Variants in MAF observed in about 807,000 individuals in gnomAD.
MAF encodes transcription factor Maf.
A neutral mutation model predicts 22.0 loss-of-function variants in MAF; 10 were observed. The ratio of observed to expected loss-of-function variants is 0.45; its 90% CI spans 0.28 to 0.77. The LOEUF is 0.77. MAF is among the 30% of genes least tolerant of loss of function. The pLI, the probability that MAF is intolerant of heterozygous loss-of-function variation, is 0.12. For missense variants in MAF, 544 were observed against 548.4 expected (o/e 0.99, Z 0.08); for synonymous variants, 337 against 255.8 (o/e 1.32, Z -3.03).
At chr16:79,390,006 A>G in the MAF span, among the ~76,000 whole-genome samples, 1 of 146,598 alleles carries the variant, frequency 6.8e-6, no homozygotes. Context: ...AAAAAAAATT[A>G]AAATAAAAAA....
the MAF span, among the ~76,000 whole-genome samples, chr16:79,323,145 T>C: frequency 1.2e-4 from 4 of 32,020 alleles, no homozygotes; most frequent in Admixed American, 1.6e-3. Flanking sequence ...CGAGACTCCA[T>C]CTAAAAAAAA....
At chr16:79,392,980 C>T in the MAF span, among the ~76,000 whole-genome samples, 181 of 152,296 alleles carry the variant, frequency 1.2e-3, no homozygotes, top group Middle Eastern at 6.8e-3. Context: ...CTCCTGCCGC[C>T]CTCTCTTAAA....
downstream of MAF, among the ~76,000 whole-genome samples, chr16:79,593,197 G>A (rs1477895790): frequency 1.3e-5 from 2 of 152,206 alleles, no homozygotes; most frequent in South Asian, 2.1e-4. Flanking sequence ...GTAAAGCCAA[G>A]AGTATGTGAA....
At chr16:79,338,270 G>T in the MAF span, among the ~76,000 whole-genome samples, 1 of 152,192 alleles carries the variant, frequency 6.6e-6, no homozygotes, top group African/African-American at 2.4e-5. Context: ...CTGAGTGAAG[G>T]TCAGGGAGGC....
chr16:79,499,589 T>C, the MAF span, among the ~76,000 whole-genome samples: 2 of 152,148 alleles, frequency 1.3e-5, no homozygotes, highest in Admixed American at 6.5e-5. Context: ...ATGGGGTTAG[T>C]GCCTTTATAA....
At chr16:79,244,730 A>G in the MAF span, among the ~76,000 whole-genome samples, 1 of 152,072 alleles carries the variant, frequency 6.6e-6, no homozygotes, top group African/African-American at 2.4e-5. Flanking sequence ...TAAATTTCAT[A>G]TGGAACCAAA....
At chr16:79,551,024 G>A in the MAF span, among the ~76,000 whole-genome samples, 74 of 152,284 alleles carry the variant, frequency 4.9e-4, 1 homozygote, top group East Asian at 3.1e-3. Flanking sequence ...ATGGGGAGCA[G>A]CAAACACCTA....
chr16:79,372,725 A>G, the MAF span, among the ~76,000 whole-genome samples: 1 of 152,198 alleles, frequency 6.6e-6, no homozygotes, highest in African/African-American at 2.4e-5. Context: ...CACTCTCTCC[A>G]GCAGGTTCTG....
At chr16:79,446,808 C>T in the MAF span, among the ~76,000 whole-genome samples, 20 of 151,748 alleles carry the variant, frequency 1.3e-4, no homozygotes, top group African/African-American at 3.6e-4. Context: ...ACACAGGTTG[C>T]GAGTCAGGAG....
At chr16:79,435,215 T>C in the MAF span, among the ~76,000 whole-genome samples, 1 of 151,568 alleles carries the variant, frequency 6.6e-6, no homozygotes, top group African/African-American at 2.4e-5. Flanking sequence ...CACATATATG[T>C]ACACACACAT....
the MAF span, among the ~76,000 whole-genome samples, chr16:79,403,733 C>T: frequency 6.6e-6 from 1 of 152,150 alleles, no homozygotes; most frequent in Non-Finnish European, 1.5e-5. Flanking sequence ...GGGATAGCAA[C>T]CTAACATAGG....
the MAF span, among the ~76,000 whole-genome samples, chr16:79,451,542 G>A: frequency 1.3e-3 from 193 of 152,318 alleles, 7 homozygotes; most frequent in South Asian, 0.039. Flanking sequence ...TGCGGTTCAA[G>A]CTACAATCCT....
the MAF span, among the ~76,000 whole-genome samples, chr16:79,217,826 G>C: frequency 6.6e-6 from 1 of 151,902 alleles, no homozygotes; most frequent in Non-Finnish European, 1.5e-5. Context: ...GTGGCTTGTG[G>C]TTTTGCTTTT....
chr16:79,332,013 C>G, the MAF span, among the ~76,000 whole-genome samples: 1 of 152,188 alleles, frequency 6.6e-6, no homozygotes, highest in Non-Finnish European at 1.5e-5. Context: ...CATTACCTGA[C>G]TTTAGAACAT....
chr16:79,500,289 T>C, the MAF span, among the ~76,000 whole-genome samples: 1 of 152,166 alleles, frequency 6.6e-6, no homozygotes, highest in Admixed American at 6.5e-5. Flanking sequence ...TGAACAATAA[T>C]CCCATCTGCC....
At chr16:79,338,517 C>A in the MAF span, among the ~76,000 whole-genome samples, 1 of 152,034 alleles carries the variant, frequency 6.6e-6, no homozygotes, top group Non-Finnish European at 1.5e-5. Flanking sequence ...TTAAAGATAT[C>A]CAATGAGAAC....
chr16:79,390,140 TG>T, the MAF span, among the ~76,000 whole-genome samples: 1 of 151,946 alleles, frequency 6.6e-6, no homozygotes, highest in East Asian at 1.9e-4. Flanking sequence ...TTCCCAAGTC[TG>T]GGGGTAACAT....
chr16:79,335,378 A>C, the MAF span, among the ~76,000 whole-genome samples: 1 of 152,154 alleles, frequency 6.6e-6, no homozygotes, highest in Non-Finnish European at 1.5e-5. Context: ...AGAGCTTGTT[A>C]AACTGGCTTC....
chr16:79,310,297 A>G, the MAF span, among the ~76,000 whole-genome samples: 1 of 152,148 alleles, frequency 6.6e-6, no homozygotes, highest in Admixed American at 6.5e-5. Context: ...TCAACTAAGA[A>G]AGAAGTCATC....
Sources: gnomAD v4.1 joint callset for allele counts (sites outside exome capture counted in the v4.1 genomes callset) on GRCh38, gnomAD v4.1.1 for gene constraint, MANE v1.5 for transcripts, NCBI Gene and HGNC (gene_info 2026-07-23, HGNC 2026-07-21) for gene names.